The following CLUAP1 variants were observed in gnomAD, a reference collection of about 807,000 sequenced individuals.
The protein encoded by CLUAP1 is clusterin-associated protein 1.
Under a neutral mutation model 55.0 loss-of-function variants are expected in CLUAP1, and 50 were observed. The ratio of observed to expected loss-of-function variants is 0.91; its 90% CI spans 0.72 to 1.15. The LOEUF (loss-of-function observed/expected upper bound fraction) is 1.15, where lower values mean the gene tolerates loss of function less well. Among genes scored for constraint, CLUAP1 ranks in the 50% most tolerant of loss-of-function variants. The probability of loss-of-function intolerance (pLI) is 0.00; values close to 1 mark genes in which losing one functional copy is unlikely to be tolerated. For missense variants in CLUAP1, 530 were observed against 507.6 expected (o/e 1.04, Z -0.42); for synonymous variants, 195 against 175.4 (o/e 1.11, Z -0.88).
chr16:3,525,296 G>A (rs1007807810), intron 8 of CLUAP1, among the ~76,000 whole-genome samples: 1 of 152,124 alleles, frequency 6.6e-6, no homozygotes, highest in African/African-American at 2.4e-5. Context: ...CCACCTCTGG[G>A]TTCAGAGAAC....
intron 6 of CLUAP1, among the ~76,000 whole-genome samples, chr16:3,519,385 G>A (rs1228795562): frequency 6.6e-6 from 1 of 152,220 alleles, no homozygotes; most frequent in Admixed American, 6.5e-5. Context: ...CTGTTGCCAG[G>A]GAGAGGGAAG....
intron 10 of CLUAP1, 147 bp downstream of exon 10, chr16:3,530,822 T>C (rs1185692033): frequency 1.6e-6 from 1 of 615,424 alleles, no homozygotes; most frequent in Non-Finnish European, 2.9e-6. Flanking sequence ...GTTTATCCTG[T>C]CCTGTTGTTT....
chr16:3,536,391 T>C lies in CLUAP1; in HGVS notation c.*120T>C. 1.9e-6 allele frequency: 2 copies of C among 1,027,162 alleles called. No individual in the cohort carries two copies. The highest frequency in any genetic ancestry group is 2.9e-6 in the Non-Finnish European group (2 of 701,654). The allele number at this position is 1,027,162 out of a possible 1,614,324, so 63.6% of individuals were successfully genotyped here. A position where few individuals can be genotyped will look rare whatever the true frequency, so the allele number is the denominator to read the frequency against. On this transcript the variant is annotated 3_prime_UTR_variant, in exon 12 of 12. Transcript: ENST00000576634. ...CTAAGCTGGCTGGACTCATGATCAC[T>C]GAAGCAATACTTATTTCTGCTTTAG... is the stretch of plus-strand genomic sequence containing the variant.
At chr16:3,525,065 C>T (rs989568259) in intron 8 of CLUAP1, among the ~76,000 whole-genome samples, 3 of 152,144 alleles carry the variant, frequency 2.0e-5, no homozygotes, top group Admixed American at 6.5e-5. Flanking sequence ...ACTGGGAGTA[C>T]CTAACGCATC....
At position 3,501,026 on chromosome 16, in the gene CLUAP1, G is replaced by A. The variant is rs775959509; in HGVS notation, c.-42G>A. 32 of 1,590,658 alleles carry A rather than the reference G, an allele frequency of 2.0e-5. 1 individual carries two copies. In the South Asian group the frequency reaches 3.5e-4, roughly 17 times the overall value. ...AGCGCTGGGCCTGTGATCGCTGAGG[G>A]GCGAGCAGTTGCGACCCTGGGCTCC... On this transcript the variant is annotated 5_prime_UTR_variant, in exon 1 of 12. Transcript: ENST00000576634.
At chr16:3,514,837 A>G (rs768148915) in intron 5 of CLUAP1, among the ~76,000 whole-genome samples, 4 of 152,184 alleles carry the variant, frequency 2.6e-5, no homozygotes, top group Non-Finnish European at 4.4e-5. Context: ...TCACACAAAC[A>G]TTGTCTATAG....
At chr16:3,516,475 G>A (rs2037731458) in intron 6 of CLUAP1, among the ~76,000 whole-genome samples, 1 of 152,160 alleles carries the variant, frequency 6.6e-6, no homozygotes, top group African/African-American at 2.4e-5. Context: ...GTGACAGATA[G>A]GCAGATGGGT....
Position 3,537,586 on chromosome 16 carries a change from T to C in CLUAP1, c.*1315T>C, listed in dbSNP as rs979453712. On this transcript the variant is annotated 3_prime_UTR_variant, in exon 12 of 12. Transcript: ENST00000576634. ...CAGGAGGCTGAGGCAGGAGAATCAC[T>C]TGAGACCAGGAAGTTGAGGCTGCAA... is the stretch of plus-strand genomic sequence containing the variant. The C allele has an allele frequency of 6.6e-6, 1 of 152,054 alleles. No homozygotes were observed. The highest frequency in any genetic ancestry group is 1.5e-5 in the Non-Finnish European group (1 of 68,064). 9.4% of individuals were successfully genotyped at this position (152,054 alleles called of 1,614,324 possible).
chr16:3,495,888 T>G, the CLUAP1 span, among the ~76,000 whole-genome samples: 2 of 151,802 alleles, frequency 1.3e-5, no homozygotes, highest in Non-Finnish European at 2.9e-5. Flanking sequence ...GGCTGATCAG[T>G]TGAGGTCTGT....
chr16:3,506,451 A>C lies in CLUAP1; in HGVS notation c.219+36A>C, dbSNP rs1235427542. 2.7e-6 allele frequency: 4 copies of C among 1,484,230 alleles called. No homozygotes were observed. The Admixed American group carries it at 6.7e-5, about 25-fold the overall frequency. 91.9% of individuals were successfully genotyped at this position (1,484,230 alleles called of 1,614,324 possible). On this transcript the variant is annotated intron_variant, in intron 3 of 11. Coordinates refer to ENST00000576634, the MANE Select transcript of CLUAP1 (RefSeq NM_015041.3). ...ACTTATTTTGTGGAGTTGTAAAATT[A>C]AATAAACTAGAAAGGATGACTCCTT...
chr16:3,521,755 C>T (rs1362277847), intron 7 of CLUAP1, among the ~76,000 whole-genome samples: 7 of 150,474 alleles, frequency 4.7e-5, no homozygotes, highest in African/African-American at 7.3e-5. Flanking sequence ...AATTTTTTAT[C>T]GTTTAAAAAC....
rs374477662 is a variant in CLUAP1 at position 3,519,951 on chromosome 16, G to T, written c.628G>T (p.Glu210Ter). Residue 210 changes from glutamate (E) to a stop codon, truncating the protein, a stop_gained, in exon 7 of 12, where the codon GAA becomes TAA. Coordinates refer to ENST00000576634, the MANE Select transcript of CLUAP1 (RefSeq NM_015041.3). LOFTEE classifies it high-confidence loss of function. ...KDLLNNVASDEANLEAKIEKR... is the reference protein window; with the variant it reads ...KDLLNNVASD ...CCTGCTCAATAATGTGGCCTCTGAT[G>T]AAGCTAATTTAGAAGCCAAAATCGA... is the stretch of plus-strand genomic sequence containing the variant. 7 of 1,613,556 alleles carry T rather than the reference G, an allele frequency of 4.3e-6. No homozygotes were observed. The highest frequency in any genetic ancestry group is 5.9e-6 in the Non-Finnish European group (7 of 1,179,842).
rs1326822639 is a variant in CLUAP1 at position 3,536,595 on chromosome 16, G to C, written c.*324G>C. The stretch of plus-strand genomic sequence containing the variant: ...AGCTGACGCCACACAAGTCTTGGCT[G>C]CTTTTGTTACTATACATTTTCTCTG... On this transcript the variant is annotated 3_prime_UTR_variant, in exon 12 of 12. Transcript: ENST00000576634. 4.8e-6 allele frequency: 1 copy of C among 208,590 alleles called. No homozygotes were observed. The highest frequency in any genetic ancestry group is 5.2e-5 in the Admixed American group (1 of 19,134). The allele number at this position is 208,590 out of a possible 1,614,324, so 12.9% of individuals were successfully genotyped here.
chr16:3,531,989 C>T (rs892615339), intron 10 of CLUAP1, among the ~76,000 whole-genome samples: 10 of 151,970 alleles, frequency 6.6e-5, no homozygotes, highest in African/African-American at 2.4e-4. Context: ...CAGGCCCGTG[C>T]CACCACACCC....
intron 8 of CLUAP1, among the ~76,000 whole-genome samples, chr16:3,524,474 G>A (rs892490536): frequency 1.3e-5 from 2 of 151,462 alleles, no homozygotes. Flanking sequence ...GCGGGCACCT[G>A]TAATCCCAGC....
In CLUAP1 at chr16:3,526,467, G is replaced by T; in HGVS notation, c.911G>T (p.Arg304Leu). The change falls in exon 9 of 12, where the codon CGC becomes CTC. Residue 304 changes from arginine to leucine, a missense_variant. Arg to Leu is a moderately radical substitution (Grantham distance 102). Transcript: ENST00000576634. ...IQNKLKEEEK[R>L]LLKSGSNDDS... ...AACAAGCTCAAGGAGGAAGAGAAGC[G>T]CCTGCTCAAGAGTGGAAGTAAGGCT... 1.2e-6 allele frequency: 2 copies of T among 1,607,836 alleles called. No individual in the cohort carries two copies. The highest frequency in any genetic ancestry group is 1.3e-5 in the African/African-American group (1 of 74,664).
rs765750057 is a variant in CLUAP1 at position 3,536,208 on chromosome 16, A to C, written c.1179A>C (p.Pro393=). 1 of 1,614,204 alleles carries C rather than the reference A, an allele frequency of 6.2e-7. No individual in the cohort carries two copies. Among genetic ancestry groups the C allele is most frequent in the South Asian group, 1.1e-5 (1 of 91,092 alleles). ...DLEDESISLS[P]TKPNRRVRKS... ...AAGACGAGAGCATTTCTCTCTCACC[A>C]ACCAAGCCCAATCGAAGGGTCCGGA... The change falls in exon 12 of 12, where the codon CCA becomes CCC. Residue 393 remains proline (P), a synonymous_variant. Coordinates refer to ENST00000576634, the MANE Select transcript of CLUAP1 (RefSeq NM_015041.3).
intron 4 of CLUAP1, 71 bp downstream of exon 4, chr16:3,508,539 T>A (rs1170665475): frequency 7.4e-7 from 1 of 1,350,388 alleles, no homozygotes; most frequent in Admixed American, 2.9e-5. Flanking sequence ...GGAAGGAGTC[T>A]GCTACAGCTC....
At chr16:3,507,678 GTT>G (rs1491384326) in intron 3 of CLUAP1, among the ~76,000 whole-genome samples, 8 of 128,608 alleles carry the variant, frequency 6.2e-5, no homozygotes, top group South Asian at 5.4e-4. Context: ...CTCTTCCAGA[GTT>G]TGTGTGTGTG....
Sources: gnomAD v4.1 joint callset for allele counts (sites outside exome capture counted in the v4.1 genomes callset) on GRCh38, gnomAD v4.1.1 for gene constraint, MANE v1.5 for transcripts, NCBI Gene and HGNC (gene_info 2026-07-23, HGNC 2026-07-21) for gene names.